Variants in WDR37 observed in about 807,000 individuals in gnomAD.
WDR37 encodes WD repeat domain 37.
Under a neutral mutation model 62.9 loss-of-function variants are expected in WDR37, and 19 were observed. The observed-to-expected ratio is 0.30, with a 90% CI of 0.21 to 0.44. WDR37 has a LOEUF of 0.44. Ranked by LOEUF, WDR37 falls within the 20% of genes least tolerant of loss-of-function variation. The pLI, the probability that WDR37 is intolerant of heterozygous loss-of-function variation, is 1.00. For synonymous variants in WDR37, 250 were observed against 260.9 expected (o/e 0.96, Z 0.40); for missense variants, 474 against 657.6 (o/e 0.72, Z 3.05).
In WDR37 at chr10:1,131,461, C is replaced by T. The variant is rs1835944972; in HGVS notation, c.*2117C>T. The T allele has an allele frequency of 6.6e-6, 1 of 152,302 alleles. No homozygotes were observed. The highest frequency in any genetic ancestry group is 2.1e-4 in the South Asian group (1 of 4,834). The allele number at this position is 152,302 out of a possible 1,614,324, so 9.4% of individuals were successfully genotyped here. On this transcript the variant is annotated 3_prime_UTR_variant, in exon 14 of 14. Transcript: ENST00000263150. ...TAGTGGCCACTGAGTTCCAGGCACA[C>T]TGGTGCCCTTTACTGCCACAGCTGC...
chr10:1,079,857 A>G (rs1300917173), intron 3 of WDR37, among the ~76,000 whole-genome samples, 154 bp from the exon 4 acceptor site: 2 of 152,138 alleles, frequency 1.3e-5, no homozygotes, highest in African/African-American at 4.8e-5. Flanking sequence ...TGAGAACTCT[A>G]TGAATTGTGA....
rs1333715734 is a variant in WDR37, at chr10:1,130,059, CA to C, written c.*719del. ...CTAATCACTGATTTCAAATATTAAG[CA>C]AAATGTAAAGCACTTTAATTTATAG... On this transcript the variant is annotated 3_prime_UTR_variant, in exon 14 of 14. Transcript: ENST00000263150. 6.6e-6 allele frequency: 1 copy of C among 152,588 alleles called. No homozygotes were observed. Among genetic ancestry groups the C allele is most frequent in the African/African-American group, 2.4e-5 (1 of 41,428 alleles). 9.5% of individuals were successfully genotyped at this position (152,588 alleles called of 1,614,324 possible).
At chr10:1,106,147 C>T (rs898307077) in intron 11 of WDR37, among the ~76,000 whole-genome samples, 9 of 152,090 alleles carry the variant, frequency 5.9e-5, no homozygotes, top group Non-Finnish European at 1.0e-4. Context: ...CCAGTCTGGC[C>T]CTGCTCAGTC....
chr10:1,058,083 A>ATACGGAGTTAAACACGG lies in WDR37; in HGVS notation c.-41+1117_-41+1118insCGGAGTTAAACACGGTA, dbSNP rs1554822012. On this transcript the variant is annotated intron_variant, in intron 1 of 13. Coordinates refer to ENST00000263150, the MANE Select transcript of WDR37 (RefSeq NM_014023.4). ...CCCAGGAGTTAAACACGGTATGTAA[A>ATACGGAGTTAAACACGG]TATGAACTCACCAATGTGGAACAAA... Among the ~76,000 whole-genome samples, 84 of 36,802 alleles carry ATACGGAGTTAAACACGG rather than the reference A, an allele frequency of 2.3e-3. 4 individuals are homozygous for ATACGGAGTTAAACACGG. In the South Asian group the frequency reaches 0.067, roughly 29 times the overall value. The allele number at this position is 36,802 out of a possible 152,430, so 24.1% of individuals were successfully genotyped here.
rs971274560 is a variant in WDR37, at chr10:1,130,711, T to C, written c.*1367T>C. 6.6e-6 allele frequency: 1 copy of C among 152,214 alleles called. No individual in the cohort carries two copies. The highest frequency in any genetic ancestry group is 1.5e-5 in the Non-Finnish European group (1 of 68,056). 9.4% of individuals were successfully genotyped at this position (152,214 alleles called of 1,614,324 possible). ...GCTGTCATGTGACATCCCCAGGTCT[T>C]TGTGTTTTGCCCTGTTTTACGGTGA... On this transcript the variant is annotated 3_prime_UTR_variant, in exon 14 of 14. Coordinates refer to ENST00000263150, the MANE Select transcript of WDR37 (RefSeq NM_014023.4).
chr10:1,057,134 G>A (rs915424982), intron 1 of WDR37, among the ~76,000 whole-genome samples, 166 bp downstream of exon 1: 9 of 152,258 alleles, frequency 5.9e-5, no homozygotes, highest in South Asian at 2.1e-4. Flanking sequence ...GGTGGTGCAG[G>A]AGGGGTCGGG....
chr10:1,106,707 G>C (rs1355641170), intron 11 of WDR37, among the ~76,000 whole-genome samples: 2 of 152,042 alleles, frequency 1.3e-5, no homozygotes, highest in Non-Finnish European at 2.9e-5. Context: ...AGTAGAGGTG[G>C]GGTTTCACCA....
At position 1,069,088 on chromosome 10, in the gene WDR37, C is replaced by T. The variant is rs904152706; in HGVS notation, c.-40-3028C>T. The stretch of plus-strand genomic sequence containing the variant: ...GTGAGGGCAAATAGGTGTGGGGCTT[C>T]GTTTTGGGGTGATAAAAATGTACAG... On this transcript the variant is annotated intron_variant, in intron 1 of 13. Coordinates refer to ENST00000263150, the MANE Select transcript of WDR37 (RefSeq NM_014023.4). Among the ~76,000 whole-genome samples the T allele has an allele frequency of 2.0e-5, 3 of 151,882 alleles. No individual in the cohort carries two copies. The South Asian group carries it at 6.2e-4, about 31-fold the overall frequency.
chr10:1,125,189 G>A, intron 13 of WDR37, 165 bp downstream of exon 13: 1 of 806,412 alleles, frequency 1.2e-6, no homozygotes. Context: ...AAGTAGAGTT[G>A]TACACTCAAG....
At chr10:1,113,626 C>A (rs11250268) in intron 11 of WDR37, among the ~76,000 whole-genome samples, 17,523 of 152,144 alleles carry the variant, frequency 0.12, 1,258 homozygotes, top group East Asian at 0.26. Flanking sequence ...ATTTGAGAGA[C>A]GTTGAGGGGT....
chr10:1,080,604 GT>G (rs1833997680), intron 5 of WDR37, 128 bp downstream of exon 5: 1 of 1,127,566 alleles, frequency 8.9e-7, no homozygotes, highest in South Asian at 1.5e-5. Context: ...GGGAAATTTA[GT>G]TTTTTAAAGG....
chr10:1,057,548 C>T (rs1356608050), intron 1 of WDR37, among the ~76,000 whole-genome samples: 2 of 152,146 alleles, frequency 1.3e-5, no homozygotes, highest in South Asian at 4.1e-4. Flanking sequence ...ATATTGTTCC[C>T]CTTTTGAAGA....
chr10:1,126,398 TG>T (rs1835775954), intron 13 of WDR37, among the ~76,000 whole-genome samples: 1 of 134,788 alleles, frequency 7.4e-6, no homozygotes, highest in Non-Finnish European at 1.6e-5. Flanking sequence ...AGAGCGAGAC[TG>T]TGTCTCAGAA....
At chr10:1,070,485 G>C (rs1480453521) in intron 1 of WDR37, among the ~76,000 whole-genome samples, 1 of 152,050 alleles carries the variant, frequency 6.6e-6, no homozygotes, top group East Asian at 1.9e-4. Flanking sequence ...ATTTAGAAGA[G>C]ATATTTAGAA....
chr10:1,124,340 C>T lies in WDR37; in HGVS notation c.1226C>T (p.Ser409Phe). The change falls in exon 12 of 14, where the codon TCT becomes TTT. Residue 409 changes from serine to phenylalanine, a missense_variant. Coordinates refer to ENST00000263150, the MANE Select transcript of WDR37 (RefSeq NM_014023.4). ...CCCATTGCAACTATTCGCACGGACT[C>T]TGCCATTAACAGGTAAAGTCAAACT... ...RSPIATIRTDSAINRINVCVG... is the reference protein window; with the variant it reads ...RSPIATIRTDFAINRINVCVG... The T allele has an allele frequency of 6.2e-7, 1 of 1,614,200 alleles. No homozygotes were observed. The highest frequency in any genetic ancestry group is 8.5e-7 in the Non-Finnish European group (1 of 1,180,046).
chr10:1,100,719 C>A (rs913922699), intron 9 of WDR37, among the ~76,000 whole-genome samples: 1 of 152,208 alleles, frequency 6.6e-6, no homozygotes, highest in African/African-American at 2.4e-5. Context: ...ACTTCCTCAG[C>A]CTTCTTTTTC....
chr10:1,105,560 G>A lies in WDR37; in HGVS notation c.1103+293G>A, dbSNP rs958087544. ...GTTAGAGAAGAGCAGGGCTGCCAGA[G>A]CCTGTAGCTGAGCACAGGGGCCGGC... On this transcript the variant is annotated intron_variant, in intron 11 of 13. Coordinates refer to ENST00000263150, the MANE Select transcript of WDR37 (RefSeq NM_014023.4). The surrounding 1 kb of genome is among the most constrained non-coding windows in gnomAD (Gnocchi z 5.3). Among the ~76,000 whole-genome samples, 1 of 152,164 alleles carries A rather than the reference G, an allele frequency of 6.6e-6. No homozygotes were observed. The highest frequency in any genetic ancestry group is 2.1e-4 in the South Asian group (1 of 4,828).
chr10:1,080,412 C>G lies in WDR37; in HGVS notation c.332C>G (p.Ala111Gly), dbSNP rs1228729695. 1 of 1,614,002 alleles carries G rather than the reference C, an allele frequency of 6.2e-7. No homozygotes were observed. Among genetic ancestry groups the G allele is most frequent in the African/African-American group, 1.3e-5 (1 of 74,904 alleles). ...ELSKGQLKTK[A>G]SHSTSQLSQK... ...TGATTGTCACTCTCTGTCCCTGCAG[C>G]CAGTCACAGCACCAGCCAGCTCTCC... The change falls in exon 5 of 14, where the codon GCC (alanine) becomes GGC (glycine). Residue 111 changes from alanine (A) to glycine (G), a missense_variant and splice_region_variant. Coordinates refer to ENST00000263150, the MANE Select transcript of WDR37 (RefSeq NM_014023.4).
At position 1,126,720 on chromosome 10, in the gene WDR37, G is replaced by C. The variant is rs77666418; in HGVS notation, c.1353+1696G>C. Among the ~76,000 whole-genome samples, 778 of 152,318 alleles carry C rather than the reference G, an allele frequency of 5.1e-3. 8 individuals carry two copies. The highest frequency in any genetic ancestry group is 0.017 in the African/African-American group (715 of 41,582). On this transcript the variant is annotated intron_variant, in intron 13 of 13. Transcript: ENST00000263150. ...TCAGAACCTGCAGGCAGGCCGGGTG[G>C]TCAGGGAGGCACGTGCGAAAGTGGG...
Sources: gnomAD v4.1 joint callset for allele counts (sites outside exome capture counted in the v4.1 genomes callset) on GRCh38, gnomAD v4.1.1 for gene constraint, Gnocchi (gnomAD v3.1) non-coding constraint, MANE v1.5 for transcripts, NCBI Gene and HGNC (gene_info 2026-07-23, HGNC 2026-07-21) for gene names.